Variants in PARD6G observed in about 807,000 individuals in gnomAD.
The protein encoded by PARD6G is par-6 family cell polarity regulator gamma.
In PARD6G, 7 loss-of-function variants were observed where a neutral mutation model predicts 10.7. The ratio of observed to expected loss-of-function variants is 0.66; its 90% CI spans 0.37 to 1.23. PARD6G has a LOEUF of 1.23. Among genes scored for constraint, PARD6G ranks in the 50% most tolerant of loss-of-function variants. The pLI is 0.02. For missense variants in PARD6G, 548 were observed against 571.8 expected (o/e 0.96, Z 0.42); for synonymous variants, 287 against 269.4 (o/e 1.07, Z -0.64).
At chr18:80,205,322 C>T (rs528381036) in intron 1 of PARD6G, among the ~76,000 whole-genome samples, 12 of 152,320 alleles carry the variant, frequency 7.9e-5, no homozygotes, top group South Asian at 2.1e-4. Flanking sequence ...CAGTTTTATG[C>T]GGTATCTTTC....
At chr18:80,178,557 T>C (rs1305733878) in intron 2 of PARD6G, 5 of 152,412 alleles carry the variant, frequency 3.3e-5, no homozygotes, top group African/African-American at 9.6e-5. Flanking sequence ...AGCCTGGCTT[T>C]CTGATCATTT....
At chr18:80,210,897 C>G (rs537090538) in intron 1 of PARD6G, among the ~76,000 whole-genome samples, 2 of 151,982 alleles carry the variant, frequency 1.3e-5, no homozygotes, top group African/African-American at 4.8e-5. Flanking sequence ...TCCCCACCCC[C>G]CATCCCCAAA....
chr18:80,177,972 T>TAC (rs3028716), intron 2 of PARD6G: 49,612 of 152,164 alleles, frequency 0.33, 8,008 homozygotes, highest in Non-Finnish European at 0.39. Context: ...AGCGTGTGCA[T>TAC]ACACACACAC....
At chr18:80,173,621 TC>T (rs1207914810) in intron 2 of PARD6G, among the ~76,000 whole-genome samples, 1 of 139,084 alleles carries the variant, frequency 7.2e-6, no homozygotes, top group East Asian at 2.0e-4. Context: ...CAAGACTTCA[TC>T]TAAAAAAAAA....
At chr18:80,241,655 G>A (rs1435053602) in intron 1 of PARD6G, among the ~76,000 whole-genome samples, 1 of 152,160 alleles carries the variant, frequency 6.6e-6, no homozygotes, top group Non-Finnish European at 1.5e-5. Flanking sequence ...GGGGACTCGG[G>A]GCAGGGCCGC....
At chr18:80,229,250 T>G (rs959182955) in intron 1 of PARD6G, among the ~76,000 whole-genome samples, 1 of 152,228 alleles carries the variant, frequency 6.6e-6, no homozygotes, top group African/African-American at 2.4e-5. Flanking sequence ...AAGTGGTATT[T>G]GAAAAGGATT....
intron 1 of PARD6G, among the ~76,000 whole-genome samples, chr18:80,242,644 T>C (rs538991993): frequency 3.0e-4 from 46 of 152,338 alleles, no homozygotes; most frequent in Non-Finnish European, 6.5e-4. Context: ...TCAGAGCCAG[T>C]CACCCTCAGC....
intron 2 of PARD6G, among the ~76,000 whole-genome samples, chr18:80,163,016 C>T (rs751491126): frequency 1.4e-4 from 22 of 152,178 alleles, no homozygotes; most frequent in East Asian, 9.6e-4. Flanking sequence ...TCCATGGGGC[C>T]GCAGATGGAA....
rs1291136097 is a variant in PARD6G, at chr18:80,175,714, G to C, written c.296-15108C>G. 6.6e-6 allele frequency among the ~76,000 whole-genome samples: 1 copy of C among 152,186 alleles called. No individual in the cohort carries two copies. The highest frequency in any genetic ancestry group is 2.4e-5 in the African/African-American group (1 of 41,438). ...ACCACCGCAGGGACATTAGGTGTTT[G>C]GGCTTTTGCCAAATGTTCACCATCA... On this transcript the variant is annotated intron_variant, in intron 2 of 2. Transcript: ENST00000353265. This position sits in a 1 kb window ranked among gnomAD's most constrained non-coding sequence, Gnocchi z 6.7.
rs1170489699 is a variant in PARD6G at position 80,192,627 on chromosome 18, C to T, written c.295+10083G>A. ...AGGGACCTGTGTGGGGCTGTCATGA[C>T]ACATTGAAGGGTACACTGTACTTTC... On this transcript the variant is annotated intron_variant, in intron 2 of 2. Transcript: ENST00000353265. This position sits in a 1 kb window ranked among gnomAD's most constrained non-coding sequence, Gnocchi z 4.9. Among the ~76,000 whole-genome samples the T allele has an allele frequency of 6.6e-6, 1 of 152,182 alleles. No homozygotes were observed. The highest frequency in any genetic ancestry group is 1.9e-4 in the East Asian group (1 of 5,178).
At chr18:80,186,002 T>A (rs2052873925) in intron 2 of PARD6G, among the ~76,000 whole-genome samples, 1 of 118,792 alleles carries the variant, frequency 8.4e-6, no homozygotes, top group African/African-American at 3.4e-5. Flanking sequence ...TCAGACATGC[T>A]CGCACACCCT....
Position 80,183,281 on chromosome 18 carries a change from T to G in PARD6G, c.295+19429A>C. The G allele has an allele frequency of 1.5e-6, 1 of 667,356 alleles. No homozygotes were observed. 41.3% of individuals were successfully genotyped at this position (667,356 alleles called of 1,614,324 possible). A position where few individuals can be genotyped will look rare whatever the true frequency, so the allele number is the denominator to read the frequency against. ...AGAGCAAAGCCGCATACAGGCATAG[T>G]GGAAAAGTACGCTGACCTTCTCAGT... On this transcript the variant is annotated intron_variant, in intron 2 of 2. Transcript: ENST00000353265. This position sits in a 1 kb window ranked among gnomAD's most constrained non-coding sequence, Gnocchi z 4.5.
chr18:80,174,977 A>T (rs956342441), intron 2 of PARD6G, among the ~76,000 whole-genome samples: 10 of 152,160 alleles, frequency 6.6e-5, no homozygotes, highest in Admixed American at 1.3e-4. Context: ...TGTCCATTGT[A>T]AAAAAACATG....
chr18:80,247,265 C>CG lies in PARD6G; in HGVS notation c.72+11dup. On this transcript the variant is annotated intron_variant, in intron 1 of 2. Coordinates refer to ENST00000353265, the MANE Select transcript of PARD6G (RefSeq NM_032510.4). The surrounding 1 kb of genome is among the most constrained non-coding windows in gnomAD (Gnocchi z 4.2). ...CTGGGCGCAGGGCCGCCGGGGCGGG[C>CG]GGGGGGCTTACCTTGCTCTTGACTT... 2.5e-6 allele frequency: 4 copies of CG among 1,570,154 alleles called. No homozygotes were observed. Among genetic ancestry groups the CG allele is most frequent in the African/African-American group, 1.4e-5 (1 of 71,146 alleles).
intron 2 of PARD6G, among the ~76,000 whole-genome samples, chr18:80,194,936 C>G (rs1214512896): frequency 6.6e-6 from 1 of 152,154 alleles, no homozygotes; most frequent in Admixed American, 6.5e-5. Context: ...GGGCCGACTG[C>G]TAGAGAACAG....
chr18:80,244,824 C>T (rs1335807769), intron 1 of PARD6G, among the ~76,000 whole-genome samples: 1 of 152,118 alleles, frequency 6.6e-6, no homozygotes, highest in Non-Finnish European at 1.5e-5. Flanking sequence ...TTGACAACAG[C>T]GGCTCCCTAT....
intron 1 of PARD6G, among the ~76,000 whole-genome samples, chr18:80,223,968 A>G (rs955530021): frequency 6.6e-6 from 1 of 152,182 alleles, no homozygotes; most frequent in African/African-American, 2.4e-5. Flanking sequence ...TTTTCCAGTT[A>G]AAATGGACCC....
chr18:80,198,449 T>C (rs571431836), intron 2 of PARD6G, among the ~76,000 whole-genome samples: 73 of 152,350 alleles, frequency 4.8e-4, no homozygotes, highest in Non-Finnish European at 8.1e-4. Flanking sequence ...TAAATAATGA[T>C]TACTGTAAAT....
intron 2 of PARD6G, among the ~76,000 whole-genome samples, chr18:80,191,487 C>T (rs1966896360): frequency 6.6e-6 from 1 of 152,182 alleles, no homozygotes; most frequent in Admixed American, 6.5e-5. Flanking sequence ...CACCAGGAGC[C>T]CCCATGTGTG....
Sources: gnomAD v4.1 joint callset for allele counts (sites outside exome capture counted in the v4.1 genomes callset) on GRCh38, gnomAD v4.1.1 for gene constraint, Gnocchi (gnomAD v3.1) non-coding constraint, MANE v1.5 for transcripts, NCBI Gene and HGNC (gene_info 2026-07-23, HGNC 2026-07-21) for gene names.